Variants in ERG observed in about 807,000 individuals in gnomAD.
The protein encoded by ERG is transcriptional regulator ERG.
Under a neutral mutation model 55.3 loss-of-function variants are expected in ERG, and 9 were observed. The ratio of observed to expected loss-of-function variants is 0.16; its 90% CI spans 0.10 to 0.28. The LOEUF is 0.28. Ranked by LOEUF, ERG falls within the 10% of genes least tolerant of loss-of-function variation. The pLI is 1.00. For synonymous variants in ERG, 223 were observed against 237.3 expected (o/e 0.94, Z 0.55); for missense variants, 434 against 631.6 (o/e 0.69, Z 3.35).
At chr21:38,633,199 T>C (rs2060367601) in intron 1 of ERG, among the ~76,000 whole-genome samples, 1 of 152,014 alleles carries the variant, frequency 6.6e-6, no homozygotes, top group South Asian at 2.1e-4. Flanking sequence ...AAACAGAAAA[T>C]AGAATGGGTT....
intron 2 of ERG, among the ~76,000 whole-genome samples, chr21:38,564,850 C>T (rs576733767): frequency 4.6e-5 from 7 of 152,270 alleles, no homozygotes; most frequent in African/African-American, 1.7e-4. Flanking sequence ...CATCTTGGTC[C>T]CTAGGTGATC....
At chr21:38,585,336 G>C (rs1029534431), upstream of ERG, among the ~76,000 whole-genome samples, 10 of 152,060 alleles carry the variant, frequency 6.6e-5, no homozygotes, top group Non-Finnish European at 1.3e-4. Context: ...TTAGAATTTA[G>C]AAAACATCCC....
At chr21:38,429,118 T>C (rs1298965235) in intron 2 of ERG, among the ~76,000 whole-genome samples, 3 of 152,148 alleles carry the variant, frequency 2.0e-5, no homozygotes, top group Admixed American at 6.6e-5. Context: ...CTTCTAGTTA[T>C]AAGTGAGAAC....
chr21:38,457,092 A>G (rs2058996915), intron 1 of ERG, among the ~76,000 whole-genome samples: 2 of 152,216 alleles, frequency 1.3e-5, no homozygotes, highest in Non-Finnish European at 2.9e-5. Flanking sequence ...ATCACATCCA[A>G]TAGGGCTCTT....
intron 1 of ERG, among the ~76,000 whole-genome samples, chr21:38,463,509 T>C (rs1569119213): frequency 6.6e-6 from 1 of 152,172 alleles, no homozygotes. Context: ...GCACATGCAG[T>C]GCGTATTTGT....
At chr21:38,420,963 G>T (rs1270914236) in intron 3 of ERG, among the ~76,000 whole-genome samples, 2 of 152,144 alleles carry the variant, frequency 1.3e-5, no homozygotes, top group Non-Finnish European at 2.9e-5. Flanking sequence ...GGGTTAGGGG[G>T]CTTCCTTTGG....
rs574758086 is a variant in ERG at position 38,475,653 on chromosome 21, A to G, written c.18+22710T>C. ...CAGGCCTTGCCTGATCATGTTCTCT[A>G]AACTAGAGGTCCCGCCCCCCGGCCA... is the stretch of plus-strand genomic sequence containing the variant. On this transcript the variant is annotated intron_variant, in intron 1 of 9. Coordinates refer to ENST00000288319, the MANE Select transcript of ERG (RefSeq NM_182918.4). Among the ~76,000 whole-genome samples, 178 of 152,160 alleles carry G rather than the reference A, an allele frequency of 1.2e-3. 1 individual carries two copies. The highest frequency in any genetic ancestry group is 4.2e-3 in the African/African-American group (175 of 41,516).
chr21:38,455,121 T>TCTTTCTTTC (rs35484516), intron 1 of ERG, among the ~76,000 whole-genome samples: 1 of 16,192 alleles, frequency 6.2e-5, no homozygotes, highest in African/African-American at 1.6e-4. Flanking sequence ...TTTCTTTCTT[T>TCTTTCTTTC]TTTTTTTTTT....
intron 1 of ERG, among the ~76,000 whole-genome samples, chr21:38,607,365 G>A (rs747010330): frequency 2.0e-5 from 3 of 152,218 alleles, no homozygotes; most frequent in Non-Finnish European, 4.4e-5. Context: ...CAGGCTGGGC[G>A]TGGTGGCTCA....
chr21:38,403,217 C>G (rs921249841), intron 4 of ERG, among the ~76,000 whole-genome samples: 1 of 152,152 alleles, frequency 6.6e-6, no homozygotes, highest in Non-Finnish European at 1.5e-5. Flanking sequence ...CGCTTCCTTT[C>G]CCCTTTGACA....
intron 2 of ERG, among the ~76,000 whole-genome samples, chr21:38,554,814 G>A (rs1317549631): frequency 2.0e-5 from 3 of 148,406 alleles, no homozygotes; most frequent in Admixed American, 6.7e-5. Context: ...GTGTACCCCC[G>A]AACCTAAAAT....
At chr21:38,625,802 ATACT>A (rs997274344) in intron 1 of ERG, among the ~76,000 whole-genome samples, 3 of 152,002 alleles carry the variant, frequency 2.0e-5, no homozygotes, top group African/African-American at 7.3e-5. Context: ...AATTACTTAG[ATACT>A]TACTAATTAA....
chr21:38,370,818 C>A, the ERG span, among the ~76,000 whole-genome samples: 1 of 151,714 alleles, frequency 6.6e-6, no homozygotes, highest in Admixed American at 6.6e-5. Context: ...ATTACAATAA[C>A]TTTATAATAA....
At chr21:38,610,459 T>C (rs1342071354) in intron 1 of ERG, among the ~76,000 whole-genome samples, 1 of 152,212 alleles carries the variant, frequency 6.6e-6, no homozygotes, top group African/African-American at 2.4e-5. Flanking sequence ...CCCAAATCCA[T>C]CCACTTCTCT....
chr21:38,474,420 G>T (rs936832146), intron 1 of ERG, among the ~76,000 whole-genome samples: 3 of 152,194 alleles, frequency 2.0e-5, no homozygotes, highest in African/African-American at 7.2e-5. Flanking sequence ...AGGCAGCAGG[G>T]TCCTGATGAG....
At chr21:38,428,163 A>G (rs1989923606) in intron 2 of ERG, among the ~76,000 whole-genome samples, 1 of 146,346 alleles carries the variant, frequency 6.8e-6, no homozygotes, top group Middle Eastern at 3.5e-3. Context: ...CCTGGACAAC[A>G]GAGCAAAACC....
chr21:38,438,799 TCA>T (rs1212872337), intron 2 of ERG, among the ~76,000 whole-genome samples: 1 of 152,218 alleles, frequency 6.6e-6, no homozygotes, highest in Admixed American at 6.5e-5. Context: ...CTGGGCTTTC[TCA>T]TTTTTCATCT....
intron 1 of ERG, among the ~76,000 whole-genome samples, chr21:38,629,576 G>C (rs1437730985): frequency 6.6e-6 from 1 of 152,158 alleles, no homozygotes; most frequent in Non-Finnish European, 1.5e-5. Context: ...TCACACTCAT[G>C]AGGATGGCCA....
intron 2 of ERG, among the ~76,000 whole-genome samples, chr21:38,568,035 A>G (rs2059933868): frequency 6.6e-6 from 1 of 152,124 alleles, no homozygotes; most frequent in Admixed American, 6.6e-5. Context: ...AATGTGGGAA[A>G]GAAGTGCTTC....
Sources: gnomAD v4.1 joint callset for allele counts (sites outside exome capture counted in the v4.1 genomes callset) on GRCh38, gnomAD v4.1.1 for gene constraint, MANE v1.5 for transcripts, NCBI Gene and HGNC (gene_info 2026-07-23, HGNC 2026-07-21) for gene names.